The following PCDH15 variants were observed in gnomAD, a reference collection of about 807,000 sequenced individuals.
PCDH15 encodes protocadherin-15.
Under a neutral mutation model 178.5 loss-of-function variants are expected in PCDH15, and 129 were observed. That is an observed-to-expected ratio of 0.72 (90% CI 0.63 to 0.84). The LOEUF is 0.84. Ranked by LOEUF, PCDH15 falls within the 40% of genes least tolerant of loss-of-function variation. The probability of loss-of-function intolerance (pLI) is 0.00; values close to 1 mark genes in which losing one functional copy is unlikely to be tolerated. For synonymous variants in PCDH15, 800 were observed against 732.0 expected (o/e 1.09, Z -1.50); for missense variants, 2,230 against 2,099.9 (o/e 1.06, Z -1.21).
At chr10:55,577,731 A>G (rs1842523546) in intron 2 of PCDH15, among the ~76,000 whole-genome samples, 1 of 152,206 alleles carries the variant, frequency 6.6e-6, no homozygotes, top group African/African-American at 2.4e-5. Flanking sequence ...GTCTAATGTT[A>G]AATTCACCTT....
intron 15 of PCDH15, among the ~76,000 whole-genome samples, chr10:54,112,126 A>G (rs568531998): frequency 6.6e-6 from 1 of 152,130 alleles, no homozygotes; most frequent in African/African-American, 2.4e-5. Context: ...TGAGTGACAG[A>G]GTGAGACTCT....
intron 18 of PCDH15, among the ~76,000 whole-genome samples, chr10:54,029,918 G>GA (rs1463178949): frequency 6.6e-6 from 1 of 152,042 alleles, no homozygotes; most frequent in Non-Finnish European, 1.5e-5. Flanking sequence ...AATATACTAG[G>GA]ATAAAACCTC....
At chr10:55,501,839 A>G (rs1385507411) in intron 2 of PCDH15, among the ~76,000 whole-genome samples, 1 of 151,802 alleles carries the variant, frequency 6.6e-6, no homozygotes, top group Non-Finnish European at 1.5e-5. Flanking sequence ...TCTCTTGTTT[A>G]TCAATTAATC....
chr10:54,470,383 A>C (rs1177110705), intron 3 of PCDH15, among the ~76,000 whole-genome samples: 1 of 152,122 alleles, frequency 6.6e-6, no homozygotes, highest in Non-Finnish European at 1.5e-5. Flanking sequence ...AGTAGCCACC[A>C]GTGGTGCCTG....
At chr10:55,112,237 C>T (rs970194481) in intron 2 of PCDH15, among the ~76,000 whole-genome samples, 1 of 152,048 alleles carries the variant, frequency 6.6e-6, no homozygotes, top group Non-Finnish European at 1.5e-5. Context: ...GTAAATTGAT[C>T]ATAAGGGTGG....
rs386371439 is a variant in PCDH15 at position 55,548,210 on chromosome 10, G to GCGCACACA, written c.-156+79414_-156+79415insTGTGTGCG. Among the ~76,000 whole-genome samples, 233 of 121,280 alleles carry GCGCACACA rather than the reference G, an allele frequency of 1.9e-3. 2 individuals are homozygous for GCGCACACA. The highest frequency in any genetic ancestry group is 4.5e-3 in the African/African-American group (160 of 35,850). 79.6% of individuals were successfully genotyped at this position (121,280 alleles called of 152,430 possible). Reference sequence around the variant, plus strand: ...GCCAAACCCTCTCTAAATGCCTAATGCACACACACACACACACACACACAC... The same window carrying GCGCACACA: ...GCCAAACCCTCTCTAAATGCCTAATGCGCACACACACACACACACACACACACACACAC... On this transcript the variant is annotated intron_variant, in intron 2 of 5. Coordinates refer to the PCDH15 transcript ENST00000613346.
chr10:55,047,741 T>C (rs1437978372), intron 2 of PCDH15, among the ~76,000 whole-genome samples: 1 of 151,846 alleles, frequency 6.6e-6, no homozygotes, highest in African/African-American at 2.4e-5. Context: ...AAAATAAATG[T>C]TTTCCTTCTC....
chr10:53,941,169 C>A (rs1589532953), intron 23 of PCDH15, among the ~76,000 whole-genome samples, 194 bp from the exon 24 acceptor site: 1 of 152,244 alleles, frequency 6.6e-6, no homozygotes, highest in South Asian at 2.1e-4. Context: ...CTACATTGAC[C>A]CATTATCACT....
At chr10:54,541,215 G>T (rs186050735) in intron 2 of PCDH15, among the ~76,000 whole-genome samples, 1 of 151,972 alleles carries the variant, frequency 6.6e-6, no homozygotes, top group Admixed American at 6.6e-5. Context: ...CGAAACTAAA[G>T]AAGTCAAACT....
In PCDH15 at chr10:54,672,763, ATAAAT is replaced by A. The variant is rs2094699764; in HGVS notation, c.-28-8478_-28-8474del. ...TTTTATATATGATCAATTATATACA[ATAAAT>A]TATTTTCTTATAAATCTAGTTACAA... On this transcript the variant is annotated intron_variant, in intron 1 of 37. Transcript: ENST00000644397. Among the ~76,000 whole-genome samples, 3 of 152,212 alleles carry A rather than the reference ATAAAT, an allele frequency of 2.0e-5. No individual in the cohort carries two copies. The South Asian group carries it at 6.2e-4, about 32-fold the overall frequency.
intron 2 of PCDH15, among the ~76,000 whole-genome samples, chr10:54,929,116 C>T (rs752820270): frequency 6.6e-6 from 1 of 152,088 alleles, no homozygotes. Flanking sequence ...TTCCTTTTAT[C>T]CTATTTGATG....
chr10:53,973,497 TATTTC>T (rs1191582043), intron 21 of PCDH15, among the ~76,000 whole-genome samples: 1 of 152,156 alleles, frequency 6.6e-6, no homozygotes, highest in Non-Finnish European at 1.5e-5. Context: ...TACGGCGATA[TATTTC>T]TTTTCTATAT....
chr10:54,085,994 A>T (rs531153548), intron 16 of PCDH15, among the ~76,000 whole-genome samples: 54 of 152,282 alleles, frequency 3.5e-4, no homozygotes, highest in African/African-American at 1.3e-3. Context: ...CAAATAGCAT[A>T]TATTGAAGTG....
At chr10:55,532,603 TA>T in intron 2 of PCDH15, among the ~76,000 whole-genome samples, 1 of 152,176 alleles carries the variant, frequency 6.6e-6, no homozygotes, top group Admixed American at 6.6e-5. Context: ...AGAAAAAGTA[TA>T]AACCCAGATA....
At chr10:54,726,003 A>G (rs1296696028) in intron 1 of PCDH15, among the ~76,000 whole-genome samples, 1 of 150,242 alleles carries the variant, frequency 6.7e-6, no homozygotes. Context: ...TTACAAGTAC[A>G]TGCATTCAAA....
chr10:53,953,706 T>C (rs1226268812), intron 23 of PCDH15, among the ~76,000 whole-genome samples: 1 of 152,220 alleles, frequency 6.6e-6, no homozygotes, highest in African/African-American at 2.4e-5. Flanking sequence ...AGGGTTGTCT[T>C]TGTAAAATTC....
At chr10:55,033,697 T>C (rs1840666715) in intron 2 of PCDH15, among the ~76,000 whole-genome samples, 1 of 152,198 alleles carries the variant, frequency 6.6e-6, no homozygotes. Flanking sequence ...AAGTTGATTC[T>C]GAAACAAGTA....
intron 2 of PCDH15, among the ~76,000 whole-genome samples, chr10:55,432,287 G>T (rs1340376007): frequency 6.6e-6 from 1 of 152,188 alleles, no homozygotes; most frequent in Non-Finnish European, 1.5e-5. Context: ...AATGAGGCTG[G>T]TGTGGCTGAG....
chr10:54,529,704 G>A (rs1275895242), intron 2 of PCDH15, among the ~76,000 whole-genome samples: 1 of 151,994 alleles, frequency 6.6e-6, no homozygotes, highest in East Asian at 1.9e-4. Flanking sequence ...TGTAGAATTA[G>A]ATATTTCACA....
Sources: allele counts gnomAD v4.1 joint callset (sites outside exome capture counted in the v4.1 genomes callset), GRCh38; gene constraint gnomAD v4.1.1; transcripts MANE v1.5; gene names NCBI Gene and HGNC (gene_info 2026-07-23, HGNC 2026-07-21).